The following HDAC2 variants were observed in gnomAD, a reference collection of about 807,000 sequenced individuals.
The protein encoded by HDAC2 is YY1-associated factor 1.
A neutral mutation model predicts 68.5 loss-of-function variants in HDAC2; 5 were observed. That is an observed-to-expected ratio of 0.07 (90% CI 0.04 to 0.15). The LOEUF (loss-of-function observed/expected upper bound fraction) is 0.15. HDAC2 is among the 10% of genes least tolerant of loss of function. HDAC2 has a pLI of 1.00. For missense variants in HDAC2, 291 were observed against 600.8 expected (o/e 0.48, Z 5.39); for synonymous variants, 182 against 191.3 (o/e 0.95, Z 0.40).
At chr6:113,951,573 T>C (rs932901542) in intron 6 of HDAC2, among the ~76,000 whole-genome samples, 2 of 151,590 alleles carry the variant, frequency 1.3e-5, no homozygotes, top group Middle Eastern at 3.4e-3. Context: ...GTTCACGCCA[T>C]TCTCCTGCCT....
chr6:113,958,816 C>T (rs374256602), intron 2 of HDAC2, 50 bp from the exon 3 acceptor site: 1 of 1,020,152 alleles, frequency 9.8e-7, no homozygotes, highest in Non-Finnish European at 1.5e-6. Flanking sequence ...CCGGTTATAT[C>T]AGTATTATCA....
Position 113,970,920 on chromosome 6 carries a change from C to G in HDAC2, c.-12G>C. The G allele has an allele frequency of 1.3e-6, 2 of 1,550,432 alleles. No homozygotes were observed. Among genetic ancestry groups the G allele is most frequent in the African/African-American group, 2.7e-5 (2 of 73,192 alleles). ...TGACTGTACGCCATGGGCTCCCCGGCCACCGCCGCCACCGGGCTCCTCCTC... is the reference window on the plus strand; with the variant it reads ...TGACTGTACGCCATGGGCTCCCCGGGCACCGCCGCCACCGGGCTCCTCCTC... On this transcript the variant is annotated 5_prime_UTR_variant, in exon 1 of 14. Coordinates refer to ENST00000519065, the MANE Select transcript of HDAC2 (RefSeq NM_001527.4).
chr6:113,941,288 G>C (rs1473298372), intron 13 of HDAC2, among the ~76,000 whole-genome samples, 200 bp from the exon 14 acceptor site: 1 of 151,908 alleles, frequency 6.6e-6, no homozygotes, highest in Non-Finnish European at 1.5e-5. Context: ...GTAAAGGCTG[G>C]CACAAAATTA....
rs1363864216 is a variant in HDAC2, at chr6:113,940,114, C to G, written c.*944G>C. The G allele has an allele frequency of 6.6e-6, 1 of 152,146 alleles. No individual in the cohort carries two copies. Among genetic ancestry groups the G allele is most frequent in the East Asian group, 1.9e-4 (1 of 5,188 alleles). The allele number at this position is 152,146 out of a possible 1,614,324, so 9.4% of individuals were successfully genotyped here. ...AGAATGTAAGCTCTGAGTGTAAGCTCTGAGTGAAAGCATTTTTCCATTATA... is the reference window on the plus strand; with the variant it reads ...AGAATGTAAGCTCTGAGTGTAAGCTGTGAGTGAAAGCATTTTTCCATTATA... On this transcript the variant is annotated 3_prime_UTR_variant, in exon 14 of 14. Coordinates refer to ENST00000519065, the MANE Select transcript of HDAC2 (RefSeq NM_001527.4).
intron 11 of HDAC2, among the ~76,000 whole-genome samples, chr6:113,943,859 C>T (rs1345348404): frequency 6.6e-6 from 1 of 151,228 alleles, no homozygotes; most frequent in East Asian, 1.9e-4. Context: ...GTGAAGTAGA[C>T]CAAAAAAAAA....
At chr6:113,951,135 G>A (rs1776404376) in intron 6 of HDAC2, among the ~76,000 whole-genome samples, 1 of 152,148 alleles carries the variant, frequency 6.6e-6, no homozygotes, top group African/African-American at 2.4e-5. Flanking sequence ...CAGAGCTGCT[G>A]CCCTTGTTAG....
chr6:113,967,028 A>G (rs539955548), intron 1 of HDAC2, among the ~76,000 whole-genome samples: 114 of 152,356 alleles, frequency 7.5e-4, no homozygotes, highest in Non-Finnish European at 9.6e-4. Flanking sequence ...GTTATTCAGC[A>G]AAAGACTTTG....
chr6:113,970,841 C>T lies in HDAC2; in HGVS notation c.52+16G>A, dbSNP rs1317717861. ...CGGCCCCGCGCGCCCACCCCGACAC[C>T]GGCCCGGCCGCTCACCGTCGTAGTA... On this transcript the variant is annotated intron_variant, in intron 1 of 13. Transcript: ENST00000519065. 5 of 1,536,054 alleles carry T rather than the reference C, an allele frequency of 3.3e-6. No individual in the cohort carries two copies. The African/African-American group carries it at 6.9e-5, about 21-fold the overall frequency.
intron 1 of HDAC2, among the ~76,000 whole-genome samples, chr6:113,964,297 T>G (rs1776760549): frequency 6.6e-6 from 1 of 152,118 alleles, no homozygotes; most frequent in African/African-American, 2.4e-5. Context: ...AAGTTTATTA[T>G]TTTCATCTTC....
chr6:113,948,942 A>G, intron 8 of HDAC2, 37 bp downstream of exon 8: 1 of 1,601,156 alleles, frequency 6.2e-7, no homozygotes. Context: ...AAGAAAAACC[A>G]TTTTTTTCTG....
intron 11 of HDAC2, among the ~76,000 whole-genome samples, chr6:113,943,902 C>T (rs1031287407): frequency 6.6e-6 from 1 of 152,076 alleles, no homozygotes; most frequent in East Asian, 1.9e-4. Flanking sequence ...ACAGTCTATA[C>T]CATTACACAT....
intron 6 of HDAC2, among the ~76,000 whole-genome samples, chr6:113,949,788 T>TC (rs1208441607): frequency 1.4e-5 from 2 of 147,270 alleles, no homozygotes; most frequent in Non-Finnish European, 1.5e-5. Context: ...GATTTGTTCT[T>TC]TTTTTTTTTT....
intron 6 of HDAC2, among the ~76,000 whole-genome samples, chr6:113,949,943 G>C (rs1480298444): frequency 6.6e-6 from 1 of 152,092 alleles, no homozygotes; most frequent in Non-Finnish European, 1.5e-5. Context: ...CACCATGCCA[G>C]GCTAATTTTG....
intron 2 of HDAC2, 106 bp from the exon 3 acceptor site, chr6:113,958,872 T>G (rs1776615878): frequency 1.3e-6 from 1 of 742,498 alleles, no homozygotes; most frequent in Non-Finnish European, 2.4e-6. Flanking sequence ...AAGAACCAAG[T>G]CTACCAGAAC....
intron 5 of HDAC2, among the ~76,000 whole-genome samples, chr6:113,954,863 C>A (rs1297745435): frequency 6.6e-6 from 1 of 152,152 alleles, no homozygotes; most frequent in Non-Finnish European, 1.5e-5. Flanking sequence ...ACTAACATTG[C>A]GAACATCCAA....
At position 113,949,326 on chromosome 6, in the gene HDAC2, T is replaced by C. The variant is rs557324307; in HGVS notation, c.640-66A>G. 3.9e-4 allele frequency: 387 copies of C among 1,003,458 alleles called. 1 individual carries two copies. Among genetic ancestry groups the C allele is most frequent in the Middle Eastern group, 7.6e-4 (3 of 3,924 alleles). The allele number at this position is 1,003,458 out of a possible 1,614,324, so 62.2% of individuals were successfully genotyped here. A position where few individuals can be genotyped will look rare whatever the true frequency, so the allele number is the denominator to read the frequency against. ...AATAAAAAGTTTGGCATTTGTTTAC[T>C]ACATTTTGAAAAGACTGAAAGACTA... On this transcript the variant is annotated intron_variant, in intron 6 of 13. Coordinates refer to ENST00000519065, the MANE Select transcript of HDAC2 (RefSeq NM_001527.4).
In HDAC2 at chr6:113,943,205, C is replaced by T. The variant is rs115441706; in HGVS notation, c.1378+146G>A. Reference sequence around the variant, plus strand: ...TAAAAGCTTTAAGAGCTAAGTACCACTTATATGTAAGAAAAAAGAGTCACC... The same window carrying T: ...TAAAAGCTTTAAGAGCTAAGTACCATTTATATGTAAGAAAAAAGAGTCACC... On this transcript the variant is annotated intron_variant, in intron 12 of 13. Transcript: ENST00000519065. 639 of 607,704 alleles carry T rather than the reference C, an allele frequency of 1.1e-3. 6 individuals carry two copies. In the African/African-American group the frequency reaches 0.011, roughly 10 times the overall value. The allele number at this position is 607,704 out of a possible 1,614,324, so 37.6% of individuals were successfully genotyped here. A position where few individuals can be genotyped will look rare whatever the true frequency, so the allele number is the denominator to read the frequency against.
intron 12 of HDAC2, among the ~76,000 whole-genome samples, chr6:113,942,652 C>T (rs537336686): frequency 1.3e-5 from 2 of 152,246 alleles, no homozygotes; most frequent in East Asian, 3.9e-4. Context: ...ATGAGCAGCT[C>T]AGTCTAGTAG....
intron 10 of HDAC2, 33 bp downstream of exon 10, chr6:113,945,329 A>G (rs773021960): frequency 2.0e-6 from 2 of 1,002,954 alleles, no homozygotes; most frequent in Non-Finnish European, 3.2e-6. Flanking sequence ...GTCAAGATAA[A>G]ATGTTTATCA....
Sources: allele counts gnomAD v4.1 joint callset (sites outside exome capture counted in the v4.1 genomes callset), GRCh38; gene constraint gnomAD v4.1.1; transcripts MANE v1.5; gene names NCBI Gene and HGNC (gene_info 2026-07-23, HGNC 2026-07-21).